PTPRM: variants seen among roughly 807,000 people sequenced by gnomAD.
PTPRM encodes the protein protein tyrosine phosphatase receptor type M.
A neutral mutation model predicts 186.7 loss-of-function variants in PTPRM; 47 were observed. The ratio of observed to expected loss-of-function variants is 0.25; its 90% CI spans 0.20 to 0.32. PTPRM has a LOEUF of 0.32. Among genes scored for constraint, PTPRM ranks in the 10% least tolerant of loss-of-function variants. The pLI, the probability that PTPRM is intolerant of heterozygous loss-of-function variation, is 1.00. For missense variants in PTPRM, 1,494 were observed against 1,865.0 expected (o/e 0.80, Z 3.66); for synonymous variants, 668 against 674.9 (o/e 0.99, Z 0.16).
intron 14 of PTPRM, among the ~76,000 whole-genome samples, chr18:8,240,816 G>GAA (rs2094424226): frequency 7.4e-5 from 3 of 40,418 alleles, no homozygotes; most frequent in African/African-American, 5.2e-4. Flanking sequence ...GAGAGAGAGA[G>GAA]AGAGAGAGAG....
chr18:7,745,298 G>T (rs779393649), intron 1 of PTPRM, among the ~76,000 whole-genome samples: 1 of 152,148 alleles, frequency 6.6e-6, no homozygotes, highest in Non-Finnish European at 1.5e-5. Context: ...GTCATGAGAG[G>T]ACTTCTAAAG....
At chr18:7,817,741 A>T (rs1029714093) in intron 2 of PTPRM, among the ~76,000 whole-genome samples, 24 of 152,310 alleles carry the variant, frequency 1.6e-4, no homozygotes, top group African/African-American at 5.8e-4. Flanking sequence ...TTGGGGTCAG[A>T]TTGTAAAACT....
intron 22 of PTPRM, among the ~76,000 whole-genome samples, chr18:8,321,332 A>G (rs186358575): frequency 6.6e-6 from 1 of 152,314 alleles, no homozygotes; most frequent in East Asian, 1.9e-4. Context: ...GATTAAGGTG[A>G]CTAAACGAAC....
At chr18:7,842,945 T>TAGAGAGAGAGAGAGAGAG (rs1230883241) in intron 2 of PTPRM, among the ~76,000 whole-genome samples, 1 of 115,112 alleles carries the variant, frequency 8.7e-6, no homozygotes, top group East Asian at 3.6e-4. Flanking sequence ...TATATATATA[T>TAGAGAGAGAGAGAGAGAG]ATAGAGAGAG....
intron 1 of PTPRM, among the ~76,000 whole-genome samples, chr18:7,773,570 G>GTTTTTTTTTTTTTTTTTTTTTTTTTTTT (rs10708698): frequency 7.7e-5 from 10 of 129,092 alleles, no homozygotes; most frequent in Admixed American, 1.6e-4. Flanking sequence ...TCTTTTCTTT[G>GTTTTTTTTTTTTTTTTTTTTTTTTTTTT]TTTTTTTTTT....
chr18:8,082,754 G>A (rs1439715080), intron 9 of PTPRM, among the ~76,000 whole-genome samples: 3 of 151,220 alleles, frequency 2.0e-5, no homozygotes, highest in African/African-American at 7.3e-5. Flanking sequence ...TCATCTCAAT[G>A]TTCATCACCC....
intron 1 of PTPRM, among the ~76,000 whole-genome samples, chr18:7,678,779 C>T (rs1295850986): frequency 1.4e-4 from 21 of 152,174 alleles, no homozygotes; most frequent in Admixed American, 1.4e-3. Flanking sequence ...GCATAATATT[C>T]TATAGATGGA....
chr18:7,736,328 A>T (rs375724992), intron 1 of PTPRM, among the ~76,000 whole-genome samples: 9 of 152,056 alleles, frequency 5.9e-5, no homozygotes, highest in East Asian at 3.9e-4. Flanking sequence ...TTTTTATTTT[A>T]ATTTTTTTTG....
rs148320643 is a variant in PTPRM at position 8,183,175 on chromosome 18, T to C, written c.2300+39396T>C. ...TCCAAAACCTAAACAAAATAAACCA[T>C]AGCTTCTAAATGGATTTAGACATTA... is the stretch of plus-strand genomic sequence containing the variant. On this transcript the variant is annotated intron_variant, in intron 14 of 32. Transcript: ENST00000580170. Among the ~76,000 whole-genome samples the C allele has an allele frequency of 2.8e-4, 42 of 152,360 alleles. No homozygotes were observed. The East Asian group carries it at 7.7e-3, about 28-fold the overall frequency.
chr18:8,316,532 C>G (rs1377989828), intron 21 of PTPRM, among the ~76,000 whole-genome samples: 1 of 152,108 alleles, frequency 6.6e-6, no homozygotes, highest in Non-Finnish European at 1.5e-5. Flanking sequence ...ATACTGAGGG[C>G]CTCTTTATTC....
intron 7 of PTPRM, among the ~76,000 whole-genome samples, chr18:8,006,286 TA>T (rs1307802571): frequency 6.6e-6 from 1 of 152,258 alleles, no homozygotes; most frequent in Non-Finnish European, 1.5e-5. Context: ...AATTTCCTTA[TA>T]AAACTTCATT....
At chr18:7,982,172 G>A (rs73383833) in intron 7 of PTPRM, among the ~76,000 whole-genome samples, 7,972 of 151,752 alleles carry the variant, frequency 0.053, 495 homozygotes, top group African/African-American at 0.15. Context: ...TCATTGTTTG[G>A]CTCTTTTGTA....
At chr18:7,966,515 G>T (rs538840479) in intron 7 of PTPRM, among the ~76,000 whole-genome samples, 3 of 151,490 alleles carry the variant, frequency 2.0e-5, no homozygotes, top group Admixed American at 2.0e-4. Context: ...CGCAGAAGAC[G>T]GGTGATTTCT....
chr18:8,355,127 AG>A, intron 23 of PTPRM, among the ~76,000 whole-genome samples: 1 of 152,340 alleles, frequency 6.6e-6, no homozygotes, highest in African/African-American at 2.4e-5. Flanking sequence ...ACAGAAAGCC[AG>A]GGATGCTAAG....
chr18:7,651,303 T>C (rs1277837006), intron 1 of PTPRM, among the ~76,000 whole-genome samples: 2 of 152,052 alleles, frequency 1.3e-5, no homozygotes, highest in East Asian at 1.9e-4. Context: ...AAAGAAAACA[T>C]TGCTAAACTG....
chr18:7,980,206 C>T (rs2082472681), intron 7 of PTPRM, among the ~76,000 whole-genome samples: 1 of 152,108 alleles, frequency 6.6e-6, no homozygotes, highest in Non-Finnish European at 1.5e-5. Flanking sequence ...TACTACCTCA[C>T]CTCTGCACCA....
chr18:8,063,482 C>A (rs1717340439), intron 7 of PTPRM, among the ~76,000 whole-genome samples: 1 of 152,114 alleles, frequency 6.6e-6, no homozygotes, highest in African/African-American at 2.4e-5. Flanking sequence ...ACACTTCTAA[C>A]CTTATTTTTG....
chr18:7,989,296 G>A (rs1298310734), intron 7 of PTPRM, among the ~76,000 whole-genome samples: 2 of 151,986 alleles, frequency 1.3e-5, no homozygotes, highest in Non-Finnish European at 2.9e-5. Context: ...CAGTATATCA[G>A]AGGCTTGCAG....
At chr18:7,632,207 A>G (rs980359666) in intron 1 of PTPRM, among the ~76,000 whole-genome samples, 4 of 152,196 alleles carry the variant, frequency 2.6e-5, no homozygotes, top group African/African-American at 9.7e-5. Flanking sequence ...TGACATACCT[A>G]TGATGAGAAC....
Sources: allele counts gnomAD v4.1 joint callset (sites outside exome capture counted in the v4.1 genomes callset), GRCh38; gene constraint gnomAD v4.1.1; transcripts MANE v1.5; gene names NCBI Gene and HGNC (gene_info 2026-07-23, HGNC 2026-07-21).